KLHDC4: variants seen among roughly 807,000 people sequenced by gnomAD.
KLHDC4 encodes the protein kelch domain-containing protein 4.
A neutral mutation model predicts 62.4 loss-of-function variants in KLHDC4; 90 were observed. That is an observed-to-expected ratio of 1.44 (90% CI 1.22 to 1.72). KLHDC4 has a LOEUF of 1.72. KLHDC4 is among the 40% of genes most tolerant of loss of function. The pLI is 0.00. For missense variants in KLHDC4, 1,025 were observed against 699.7 expected (o/e 1.47, Z -5.25); for synonymous variants, 386 against 284.4 (o/e 1.36, Z -3.59).
chr16:87,748,153 A>G (rs1349870338), intron 5 of KLHDC4, among the ~76,000 whole-genome samples: 1 of 152,238 alleles, frequency 6.6e-6, no homozygotes, highest in East Asian at 1.9e-4. Flanking sequence ...CGTGGTAAAC[A>G]TGCATCAGAA....
chr16:87,745,366 G>A (rs1370414133), intron 5 of KLHDC4, among the ~76,000 whole-genome samples: 2 of 152,144 alleles, frequency 1.3e-5, no homozygotes, highest in Non-Finnish European at 2.9e-5. Flanking sequence ...CCCGCCCCAG[G>A]GCCCGCCCTG....
At chr16:87,723,651 A>G (rs924674738) in intron 7 of KLHDC4, among the ~76,000 whole-genome samples, 1 of 152,264 alleles carries the variant, frequency 6.6e-6, no homozygotes, top group Non-Finnish European at 1.5e-5. Context: ...ATGACCAAGA[A>G]AAAAATCGGG....
chr16:87,719,736 T>G (rs35100120), intron 7 of KLHDC4, among the ~76,000 whole-genome samples: 8,712 of 152,112 alleles, frequency 0.057, 324 homozygotes, highest in South Asian at 0.16. Context: ...CATGAATTTT[T>G]GGAGAAGTTA....
At chr16:87,725,921 A>G (rs919174991) in intron 7 of KLHDC4, among the ~76,000 whole-genome samples, 1 of 152,172 alleles carries the variant, frequency 6.6e-6, no homozygotes, top group Admixed American at 6.5e-5. Flanking sequence ...ACTACTACAC[A>G]GTAGTGAGCG....
At chr16:87,748,229 A>C (rs1367898943) in intron 5 of KLHDC4, among the ~76,000 whole-genome samples, 1 of 152,174 alleles carries the variant, frequency 6.6e-6, no homozygotes, top group Non-Finnish European at 1.5e-5. Flanking sequence ...ACTGAAGAGA[A>C]ATGTCAACAT....
intron 5 of KLHDC4, among the ~76,000 whole-genome samples, chr16:87,734,419 T>C (rs1401153996): frequency 6.6e-6 from 1 of 152,086 alleles, no homozygotes; most frequent in African/African-American, 2.4e-5. Flanking sequence ...TAATCCAAGT[T>C]TACTGAAGTT....
intron 1 of KLHDC4, among the ~76,000 whole-genome samples, chr16:87,762,701 CGA>C (rs1267373737): frequency 1.3e-5 from 2 of 152,208 alleles, no homozygotes; most frequent in Admixed American, 1.3e-4. Flanking sequence ...TTACTACCAT[CGA>C]GAGTGACTCA....
intron 7 of KLHDC4, among the ~76,000 whole-genome samples, chr16:87,720,912 C>G (rs1450153667): frequency 6.6e-6 from 1 of 152,216 alleles, no homozygotes; most frequent in African/African-American, 2.4e-5. Flanking sequence ...TCCAGTCACT[C>G]AGTCCTTTCT....
chr16:87,765,212 G>A (rs776164294), intron 1 of KLHDC4: 2 of 456,020 alleles, frequency 4.4e-6, no homozygotes, highest in East Asian at 7.0e-5. Context: ...CCGGGCTGAG[G>A]ACCAGAGGGA....
Position 87,764,412 on chromosome 16 carries a change from G to A in KLHDC4, c.99+1380C>T, listed in dbSNP as rs1009508875. The stretch of plus-strand genomic sequence containing the variant: ...GGCTTGTAATCCCAGCACTTTGGGA[G>A]GCCGAGGCGAGCGCATCACCTGAGG... On this transcript the variant is annotated intron_variant, in intron 1 of 11. Transcript: ENST00000270583. Among the ~76,000 whole-genome samples the A allele has an allele frequency of 2.0e-5, 3 of 152,166 alleles. 1 individual carries two copies. In the South Asian group the frequency reaches 6.2e-4, roughly 32 times the overall value.
chr16:87,723,153 C>G (rs1416516460), intron 7 of KLHDC4, among the ~76,000 whole-genome samples: 1 of 152,274 alleles, frequency 6.6e-6, no homozygotes, highest in East Asian at 1.9e-4. Flanking sequence ...TTCGTGCACA[C>G]TGCCGCTTCA....
At chr16:87,702,123 G>A (rs868346197) in exon 1 of KLHDC4, 7 of 456,090 alleles carry the variant, frequency 1.5e-5, no homozygotes, top group Non-Finnish European at 2.2e-5. Context: ...CTTCCCGCAT[G>A]ATCGTGTGTG....
intron 4 of KLHDC4, among the ~76,000 whole-genome samples, chr16:87,749,548 C>T (rs1259805129): frequency 8.1e-6 from 1 of 123,276 alleles, no homozygotes; most frequent in African/African-American, 3.2e-5. Context: ...AGCGAGACTC[C>T]ATGTCAAAAA....
At chr16:87,764,935 G>GAAAAGGGAC (rs1347145259) in intron 1 of KLHDC4, 2 of 350,816 alleles carry the variant, frequency 5.7e-6, no homozygotes, top group Non-Finnish European at 1.1e-5. Flanking sequence ...GACTTAGGAA[G>GAAAAGGGAC]AAAAGGGACA....
chr16:87,705,179 G>A (rs1273108417), downstream of KLHDC4, among the ~76,000 whole-genome samples: 5 of 152,304 alleles, frequency 3.3e-5, no homozygotes, highest in Admixed American at 1.3e-4. Context: ...TGTCCCAGCC[G>A]CGCCGCGCCA....
intron 7 of KLHDC4, among the ~76,000 whole-genome samples, chr16:87,726,161 C>A (rs1021969626): frequency 6.6e-6 from 1 of 151,934 alleles, no homozygotes; most frequent in Non-Finnish European, 1.5e-5. Context: ...CAGACAGCAG[C>A]GCCTATTTTC....
At chr16:87,711,482 G>A in intron 8 of KLHDC4, 39 bp from the exon 9 acceptor site, 2 of 1,557,056 alleles carry the variant, frequency 1.3e-6, no homozygotes, top group Non-Finnish European at 1.7e-6. Context: ...AAGAACACAA[G>A]GAAGGACCCT....
At chr16:87,699,317 A>C (rs990293949) in exon 1 of KLHDC4, 1 of 152,278 alleles carries the variant, frequency 6.6e-6, no homozygotes, top group African/African-American at 2.4e-5. Context: ...ATCTAGAACC[A>C]TTACCTCACA....
At chr16:87,729,062 C>A (rs999381440) in intron 6 of KLHDC4, among the ~76,000 whole-genome samples, 10 of 152,092 alleles carry the variant, frequency 6.6e-5, no homozygotes, top group Non-Finnish European at 1.3e-4. Flanking sequence ...CACATGTGAG[C>A]CACTGTACCC....
Sources: allele counts gnomAD v4.1 joint callset (sites outside exome capture counted in the v4.1 genomes callset), GRCh38; gene constraint gnomAD v4.1.1; transcripts MANE v1.5; gene names NCBI Gene and HGNC (gene_info 2026-07-23, HGNC 2026-07-21).